The following SCD5 variants were observed in gnomAD, a reference collection of about 807,000 sequenced individuals.
SCD5 encodes stearoyl-CoA desaturase 5.
A neutral mutation model predicts 30.4 loss-of-function variants in SCD5; 20 were observed. The ratio of observed to expected loss-of-function variants is 0.66; its 90% confidence interval spans 0.46 to 0.96. The LOEUF (loss-of-function observed/expected upper bound fraction) is 0.96. Ranked by LOEUF, SCD5 falls within the 40% of genes least tolerant of loss-of-function variation. The pLI is 0.00. For synonymous variants in SCD5, 173 were observed against 176.4 expected (o/e 0.98, Z 0.16); for missense variants, 381 against 443.3 (o/e 0.86, Z 1.26).
intron 1 of SCD5, among the ~76,000 whole-genome samples, chr4:82,724,344 T>C (rs1578039120): frequency 6.6e-6 from 1 of 152,180 alleles, no homozygotes; most frequent in Admixed American, 6.5e-5. Context: ...AGGCCAGGCA[T>C]GGTGGCTCAC....
rs372950118 is a variant in SCD5 at position 82,734,592 on chromosome 4, T to C, written c.233-29179A>G. ...ACAATATATATTGCAGTCTTTAAAA[T>C]TGTGCTTTTAACCAATTTTGTAATG... On this transcript the variant is annotated intron_variant, in intron 1 of 4. Transcript: ENST00000319540. 1.6e-4 allele frequency among the ~76,000 whole-genome samples: 24 copies of C among 152,310 alleles called. 2 individuals are homozygous for C. Among genetic ancestry groups the C allele is most frequent in the African/African-American group, 5.8e-4 (24 of 41,562 alleles).
intron 1 of SCD5, among the ~76,000 whole-genome samples, chr4:82,774,484 G>T (rs1326246568): frequency 6.6e-6 from 1 of 152,164 alleles, no homozygotes; most frequent in African/African-American, 2.4e-5. Flanking sequence ...AAAATGGGGA[G>T]ATACAAGTAA....
At chr4:82,703,007 C>T (rs1004770638) in intron 2 of SCD5, among the ~76,000 whole-genome samples, 1 of 151,874 alleles carries the variant, frequency 6.6e-6, no homozygotes, top group African/African-American at 2.4e-5. Context: ...TGTTATAAAA[C>T]CCCAGGTCCA....
intron 1 of SCD5, among the ~76,000 whole-genome samples, chr4:82,719,484 A>C (rs1720310759): frequency 6.6e-6 from 1 of 150,828 alleles, no homozygotes. Context: ...TCTTTATACC[A>C]ATACAGTTGT....
At chr4:82,656,116 T>A (rs142708923) in intron 3 of SCD5, among the ~76,000 whole-genome samples, 111 of 152,282 alleles carry the variant, frequency 7.3e-4, no homozygotes, top group Admixed American at 4.0e-3. Context: ...ATTATTATTA[T>A]ACTTTAAGTT....
At chr4:82,735,550 G>A (rs13124051) in intron 1 of SCD5, among the ~76,000 whole-genome samples, 63,046 of 152,066 alleles carry the variant, frequency 0.41, 14,786 homozygotes, top group South Asian at 0.58. Context: ...GTGCGAAAGC[G>A]CTCAAGGAGC....
In SCD5 at chr4:82,636,635, TG is replaced by T; in HGVS notation, c.757del (p.His253ThrfsTer37). ...HMYGNRPYDK[H>X]ISPRQNPLVA... ...GAGTGGGTTCTGCCGAGGGCTGATG[TG>T]CTTGTCATAGGGCCGGTTTCCATAC... On this transcript the variant is annotated frameshift_variant, in exon 4 of 5. Coordinates refer to ENST00000319540, the MANE Select transcript of SCD5 (RefSeq NM_001037582.3). LOFTEE classifies it high-confidence loss of function. 1 of 1,614,188 alleles carries T rather than the reference TG, an allele frequency of 6.2e-7. No homozygotes were observed. The highest frequency in any genetic ancestry group is 2.2e-5 in the East Asian group (1 of 44,884).
chr4:82,758,706 G>A (rs1444767276), intron 1 of SCD5, among the ~76,000 whole-genome samples: 1 of 152,098 alleles, frequency 6.6e-6, no homozygotes, highest in East Asian at 1.9e-4. Context: ...CACAGGCTCT[G>A]TGAGCATGGG....
intron 3 of SCD5, among the ~76,000 whole-genome samples, chr4:82,651,203 A>AAAG (rs1727744220): frequency 6.6e-6 from 1 of 152,224 alleles, no homozygotes; most frequent in Non-Finnish European, 1.5e-5. Context: ...CCACTGACCA[A>AAAG]GACTCTTTGG....
intron 1 of SCD5, among the ~76,000 whole-genome samples, chr4:82,706,373 C>A (rs867237996): frequency 3.9e-5 from 6 of 152,230 alleles, no homozygotes; most frequent in South Asian, 2.1e-4. Flanking sequence ...CCCAGTCAGA[C>A]CTTTACCACA....
chr4:82,777,765 A>G (rs1449367670), intron 1 of SCD5, among the ~76,000 whole-genome samples: 2 of 152,146 alleles, frequency 1.3e-5, no homozygotes, highest in Non-Finnish European at 1.5e-5. Context: ...CCAGGATTCT[A>G]TATAGTCTTA....
chr4:82,724,559 T>C (rs981128417), intron 1 of SCD5, among the ~76,000 whole-genome samples: 17 of 152,176 alleles, frequency 1.1e-4, no homozygotes, highest in African/African-American at 4.1e-4. Context: ...CACAAATAAG[T>C]AGGCCCTAGA....
intron 4 of SCD5, among the ~76,000 whole-genome samples, chr4:82,634,551 TA>T (rs925318141): frequency 2.0e-4 from 31 of 152,146 alleles, no homozygotes; most frequent in African/African-American, 7.5e-4. Context: ...TTCTTCACCC[TA>T]TTTTCAGAAA....
chr4:82,737,777 T>C (rs537681773), intron 1 of SCD5, among the ~76,000 whole-genome samples: 4 of 152,342 alleles, frequency 2.6e-5, no homozygotes, highest in Admixed American at 6.5e-5. Context: ...GAAAGCATTT[T>C]ACAACCACTG....
chr4:82,733,657 T>A (rs962087909), intron 1 of SCD5, among the ~76,000 whole-genome samples: 2 of 152,038 alleles, frequency 1.3e-5, no homozygotes, highest in African/African-American at 4.8e-5. Context: ...GCCTGAGAAT[T>A]CCGTAACAAT....
intron 3 of SCD5, among the ~76,000 whole-genome samples, chr4:82,664,904 G>A (rs1728133588): frequency 6.7e-6 from 1 of 149,934 alleles, no homozygotes; most frequent in African/African-American, 2.5e-5. Context: ...GGTCAAGGCA[G>A]GAGGATCACT....
chr4:82,671,267 G>A (rs554306972), intron 3 of SCD5, among the ~76,000 whole-genome samples: 57 of 152,248 alleles, frequency 3.7e-4, no homozygotes, highest in African/African-American at 1.3e-3. Context: ...ACTGCAAGGA[G>A]TCATAGATGA....
At chr4:82,634,373 G>C (rs35614535) in intron 4 of SCD5, among the ~76,000 whole-genome samples, 39,467 of 151,664 alleles carry the variant, frequency 0.26, 6,056 homozygotes, top group African/African-American at 0.43. Context: ...ACATAGTTCT[G>C]CCACTGACCA....
At chr4:82,689,307 C>A (rs72661256) in intron 2 of SCD5, among the ~76,000 whole-genome samples, 3,607 of 152,188 alleles carry the variant, frequency 0.024, 73 homozygotes, top group South Asian at 0.097. Flanking sequence ...CATCTGTAAT[C>A]CCAGCTACTC....
Sources: allele counts gnomAD v4.1 joint callset (sites outside exome capture counted in the v4.1 genomes callset), GRCh38; gene constraint gnomAD v4.1.1; transcripts MANE v1.5; gene names NCBI Gene and HGNC (gene_info 2026-07-23, HGNC 2026-07-21).